AKAP6: variants seen among roughly 807,000 people sequenced by gnomAD.
AKAP6 encodes the protein A-kinase anchoring protein 6.
A neutral mutation model predicts 188.5 loss-of-function variants in AKAP6; 58 were observed. The ratio of observed to expected loss-of-function variants is 0.31; its 90% CI spans 0.25 to 0.38. AKAP6 has a LOEUF of 0.38. Ranked by LOEUF, AKAP6 falls within the 10% of genes least tolerant of loss-of-function variation. AKAP6 has a pLI of 1.00. For missense variants in AKAP6, 2,710 were observed against 2,740.0 expected (o/e 0.99, Z 0.24); for synonymous variants, 989 against 998.6 (o/e 0.99, Z 0.18).
intron 12 of AKAP6, among the ~76,000 whole-genome samples, chr14:32,802,432 A>G (rs1405008485): frequency 1.3e-5 from 2 of 152,240 alleles, no homozygotes; most frequent in African/African-American, 4.8e-5. Context: ...TACTAAACCT[A>G]TAAATAAATA....
intron 2 of AKAP6, among the ~76,000 whole-genome samples, chr14:32,488,999 T>C (rs1325573628): frequency 6.6e-6 from 1 of 152,240 alleles, no homozygotes; most frequent in Non-Finnish European, 1.5e-5. Flanking sequence ...TCTTTATAGC[T>C]TATTTTTCCA....
At chr14:32,644,506 T>C (rs1887899884) in intron 7 of AKAP6, among the ~76,000 whole-genome samples, 1 of 152,170 alleles carries the variant, frequency 6.6e-6, no homozygotes, top group Admixed American at 6.5e-5. Context: ...GGGGAGTTTG[T>C]TTCTAGGATG....
chr14:32,795,571 C>G (rs749810418), intron 12 of AKAP6, among the ~76,000 whole-genome samples: 1 of 152,052 alleles, frequency 6.6e-6, no homozygotes, highest in Non-Finnish European at 1.5e-5. Context: ...ACAGAAAAAG[C>G]CTTTGATAAA....
At chr14:32,509,099 G>A (rs937377647) in intron 2 of AKAP6, among the ~76,000 whole-genome samples, 10 of 138,676 alleles carry the variant, frequency 7.2e-5, no homozygotes, top group Middle Eastern at 4.5e-3. Context: ...GATTACAGGC[G>A]TAAGCCACCA....
At chr14:32,773,599 A>G in intron 11 of AKAP6, 79 bp from the exon 12 acceptor site, 2 of 1,312,520 alleles carry the variant, frequency 1.5e-6, no homozygotes, top group Non-Finnish European at 2.1e-6. Flanking sequence ...ATTTGAAATT[A>G]TGATGGAAGA....
At chr14:32,758,882 C>A (rs995219538) in intron 11 of AKAP6, among the ~76,000 whole-genome samples, 1 of 152,202 alleles carries the variant, frequency 6.6e-6, no homozygotes, top group African/African-American at 2.4e-5. Context: ...GGCATTGGAA[C>A]TCAGAGATTT....
intron 2 of AKAP6, among the ~76,000 whole-genome samples, chr14:32,505,700 A>G (rs986739122): frequency 6.6e-5 from 10 of 152,176 alleles, no homozygotes; most frequent in African/African-American, 2.4e-4. Context: ...TTTATGAGGT[A>G]TATATAAATA....
chr14:32,401,195 A>G (rs868668827), intron 1 of AKAP6, among the ~76,000 whole-genome samples: 1 of 152,152 alleles, frequency 6.6e-6, no homozygotes, highest in South Asian at 2.1e-4. Flanking sequence ...GAATCCTGAT[A>G]GCTCTTCCTT....
intron 9 of AKAP6, among the ~76,000 whole-genome samples, chr14:32,710,113 T>C (rs1429539014): frequency 6.6e-6 from 1 of 151,792 alleles, no homozygotes; most frequent in Non-Finnish European, 1.5e-5. Context: ...AAGACGACTG[T>C]AGCTTTTCTG....
At chr14:32,525,240 T>C (rs1374345708) in intron 2 of AKAP6, among the ~76,000 whole-genome samples, 3 of 152,194 alleles carry the variant, frequency 2.0e-5, no homozygotes, top group Non-Finnish European at 4.4e-5. Flanking sequence ...TCAGTTTTCC[T>C]CCAAACTTTT....
rs762119613 is a variant in AKAP6 at position 32,397,019 on chromosome 14, G to T, written c.-34-36441G>T. Among the ~76,000 whole-genome samples, 51 of 152,304 alleles carry T rather than the reference G, an allele frequency of 3.3e-4. 1 individual carries two copies. Among genetic ancestry groups the T allele is most frequent in the Middle Eastern group, 6.8e-3 (2 of 294 alleles). On this transcript the variant is annotated intron_variant, in intron 1 of 13. Transcript: ENST00000280979. ...GGGCCAGTGAAAGACAATTTGGCAG[G>T]TAGGAGAACAAAAAAGTAGTTTCCT...
chr14:32,484,714 C>G (rs575614064), intron 2 of AKAP6: 3 of 214,752 alleles, frequency 1.4e-5, no homozygotes, highest in Non-Finnish European at 2.0e-5. Context: ...GAGCTGTGCC[C>G]AGGACTCCAG....
intron 11 of AKAP6, among the ~76,000 whole-genome samples, chr14:32,745,461 TTC>T (rs71115094): frequency 0.2 from 27,625 of 140,736 alleles, 2,523 homozygotes; most frequent in East Asian, 0.37. Context: ...TATTTATTCA[TTC>T]TCTCTCTCTC....
intron 11 of AKAP6, among the ~76,000 whole-genome samples, chr14:32,752,382 A>G (rs374867444): frequency 1.3e-5 from 2 of 152,114 alleles, no homozygotes; most frequent in Non-Finnish European, 1.5e-5. Context: ...AGAAAGTCCT[A>G]TTAGGAGGTT....
At chr14:32,579,636 A>G (rs1301754005) in intron 5 of AKAP6, among the ~76,000 whole-genome samples, 3 of 152,172 alleles carry the variant, frequency 2.0e-5, no homozygotes, top group Non-Finnish European at 4.4e-5. Flanking sequence ...TACTTTAGAT[A>G]CAGCCTGTGG....
At chr14:32,379,211 C>G (rs558758363) in intron 1 of AKAP6, among the ~76,000 whole-genome samples, 1 of 152,222 alleles carries the variant, frequency 6.6e-6, no homozygotes, top group Non-Finnish European at 1.5e-5. Flanking sequence ...TGAGCCACTG[C>G]GCCCAGCCAT....
intron 7 of AKAP6, among the ~76,000 whole-genome samples, chr14:32,602,946 C>T (rs1195309154): frequency 6.6e-6 from 1 of 152,178 alleles, no homozygotes; most frequent in Non-Finnish European, 1.5e-5. Context: ...CAGCTGGCTT[C>T]CGTGCCTGTC....
At chr14:32,691,492 T>G (rs1295217187) in intron 8 of AKAP6, among the ~76,000 whole-genome samples, 1 of 152,174 alleles carries the variant, frequency 6.6e-6, no homozygotes, top group African/African-American at 2.4e-5. Context: ...ACTGGGGACA[T>G]TAAATTGTGG....
At chr14:32,553,145 TTTTTC>T (rs957154936) in intron 4 of AKAP6, among the ~76,000 whole-genome samples, 3 of 150,910 alleles carry the variant, frequency 2.0e-5, no homozygotes, top group Admixed American at 6.6e-5. Flanking sequence ...TCTTTTTTTC[TTTTTC>T]TTTTCTTTTT....
Sources: allele counts gnomAD v4.1 joint callset (sites outside exome capture counted in the v4.1 genomes callset), GRCh38; gene constraint gnomAD v4.1.1; transcripts MANE v1.5; gene names NCBI Gene and HGNC (gene_info 2026-07-23, HGNC 2026-07-21).